Variants in ZNF804A observed in about 807,000 individuals in gnomAD.
ZNF804A encodes zinc finger protein 804A.
Under a neutral mutation model 16.5 loss-of-function variants are expected in ZNF804A, and 2 were observed. The ratio of observed to expected loss-of-function variants is 0.12; its 90% CI spans 0.05 to 0.38. ZNF804A has a LOEUF of 0.38. Ranked by LOEUF, ZNF804A falls within the 10% of genes least tolerant of loss-of-function variation. The probability of loss-of-function intolerance (pLI) is 0.99; values close to 1 mark genes in which losing one functional copy is unlikely to be tolerated. For missense variants in ZNF804A, 1,473 were observed against 1,390.7 expected (o/e 1.06, Z -0.94); for synonymous variants, 534 against 489.6 (o/e 1.09, Z -1.20).
chr2:184,681,560 C>G (rs1044071279), intron 1 of ZNF804A, among the ~76,000 whole-genome samples: 6 of 152,202 alleles, frequency 3.9e-5, no homozygotes, highest in African/African-American at 1.4e-4. Flanking sequence ...GCCAGGAATT[C>G]TGAACAATGT....
intron 1 of ZNF804A, among the ~76,000 whole-genome samples, chr2:184,809,993 G>A (rs1285708267): frequency 6.6e-6 from 1 of 152,090 alleles, no homozygotes; most frequent in East Asian, 1.9e-4. Flanking sequence ...TTCAATAAAT[G>A]TTTGACTTGA....
intron 1 of ZNF804A, among the ~76,000 whole-genome samples, chr2:184,663,603 T>C (rs1215246547): frequency 6.6e-6 from 1 of 152,128 alleles, no homozygotes; most frequent in Non-Finnish European, 1.5e-5. Flanking sequence ...AAGCCAGGGA[T>C]GGCCGGAAGC....
At chr2:184,645,378 A>C (rs1691854479) in intron 1 of ZNF804A, among the ~76,000 whole-genome samples, 1 of 152,134 alleles carries the variant, frequency 6.6e-6, no homozygotes, top group African/African-American at 2.4e-5. Context: ...AAAAGGGCAA[A>C]AGGTTTTCTC....
intron 1 of ZNF804A, among the ~76,000 whole-genome samples, chr2:184,771,263 G>T (rs1447891078): frequency 6.6e-6 from 1 of 151,988 alleles, no homozygotes; most frequent in Non-Finnish European, 1.5e-5. Context: ...AGGTTGTAGT[G>T]CTTGAGAGGA....
rs1692572540 is a variant in ZNF804A at position 184,683,311 on chromosome 2, A to C, written c.111+84241A>C. Among the ~76,000 whole-genome samples, 3 of 152,296 alleles carry C rather than the reference A, an allele frequency of 2.0e-5. No homozygotes were observed. The Middle Eastern group carries it at 0.01, about 518-fold the overall frequency. On this transcript the variant is annotated intron_variant, in intron 1 of 3. Coordinates refer to ENST00000302277, the MANE Select transcript of ZNF804A (RefSeq NM_194250.2). ...ATACACTTTTTTTTCTGTAGGTTTCAAGTATGTCAAAATAAACCTCTTTCG... is the reference window on the plus strand; with the variant it reads ...ATACACTTTTTTTTCTGTAGGTTTCCAGTATGTCAAAATAAACCTCTTTCG...
chr2:184,641,510 A>G (rs962124828), intron 1 of ZNF804A, among the ~76,000 whole-genome samples: 2 of 152,164 alleles, frequency 1.3e-5, no homozygotes, highest in Admixed American at 6.5e-5. Flanking sequence ...CAAATTTGTC[A>G]ACTCAAAAAT....
intron 1 of ZNF804A, among the ~76,000 whole-genome samples, chr2:184,673,598 G>A (rs142410468): frequency 9.8e-4 from 149 of 152,282 alleles, no homozygotes; most frequent in African/African-American, 3.4e-3. Flanking sequence ...GATTTATTTT[G>A]TGCATAGAAC....
chr2:184,682,220 G>T (rs1483576752), intron 1 of ZNF804A, among the ~76,000 whole-genome samples: 1 of 152,214 alleles, frequency 6.6e-6, no homozygotes, highest in African/African-American at 2.4e-5. Flanking sequence ...AAAGTGGGCA[G>T]AACAAGCCCG....
At chr2:184,700,365 A>C (rs1446094361) in intron 1 of ZNF804A, among the ~76,000 whole-genome samples, 2 of 152,064 alleles carry the variant, frequency 1.3e-5, no homozygotes, top group Non-Finnish European at 2.9e-5. Context: ...TTGTGTAAAA[A>C]CTGGTTTTAA....
chr2:184,724,267 T>C (rs1329304428), intron 1 of ZNF804A, among the ~76,000 whole-genome samples: 1 of 151,736 alleles, frequency 6.6e-6, no homozygotes, highest in Non-Finnish European at 1.5e-5. Flanking sequence ...TATTACTTTA[T>C]GTAAGTAAAT....
Position 184,938,741 on chromosome 2 carries a change from A to AG in ZNF804A, c.3346dup (p.Ala1116GlyfsTer8). The stretch of plus-strand genomic sequence containing the variant: ...CTGCAGCTGCTGCAGCTGCAGCTGC[A>AG]GCCGCAGCTGCAGGAACCTTTAAAG... On this transcript the variant is annotated frameshift_variant, in exon 4 of 4. Coordinates refer to ENST00000302277, the MANE Select transcript of ZNF804A (RefSeq NM_194250.2). LOFTEE classifies it low-confidence loss of function (END_TRUNC). 6.2e-7 allele frequency: 1 copy of AG among 1,608,136 alleles called. No individual in the cohort carries two copies. The highest frequency in any genetic ancestry group is 1.7e-5 in the Admixed American group (1 of 59,634).
At chr2:184,685,008 C>T (rs1342920372) in intron 1 of ZNF804A, among the ~76,000 whole-genome samples, 1 of 152,130 alleles carries the variant, frequency 6.6e-6, no homozygotes, top group Non-Finnish European at 1.5e-5. Flanking sequence ...TTCAGCCCAC[C>T]AGGCTCCTCT....
intron 2 of ZNF804A, among the ~76,000 whole-genome samples, chr2:184,879,533 G>A (rs1359536886): frequency 1.3e-5 from 2 of 151,880 alleles, no homozygotes; most frequent in Non-Finnish European, 1.5e-5. Flanking sequence ...TACAGAAAAA[G>A]TCTTCAGCAA....
intron 2 of ZNF804A, among the ~76,000 whole-genome samples, chr2:184,929,093 G>T (rs1294415037): frequency 2.0e-5 from 3 of 152,082 alleles, no homozygotes; most frequent in Admixed American, 6.6e-5. Flanking sequence ...ATGATTAGTG[G>T]AGCCTTCTAT....
At chr2:184,811,202 G>A (rs1055403924) in intron 1 of ZNF804A, among the ~76,000 whole-genome samples, 1 of 152,086 alleles carries the variant, frequency 6.6e-6, no homozygotes, top group African/African-American at 2.4e-5. Context: ...AAGCCCATCA[G>A]GTATATAGCA....
At chr2:184,848,667 T>C (rs1447929077) in intron 1 of ZNF804A, among the ~76,000 whole-genome samples, 2 of 152,120 alleles carry the variant, frequency 1.3e-5, no homozygotes, top group East Asian at 1.9e-4. Context: ...TCAGAAACTT[T>C]AAGACAATCA....
Position 184,933,693 on chromosome 2 carries a change from CG to C in ZNF804A, c.347del (p.Arg116ProfsTer8). On this transcript the variant is annotated frameshift_variant, in exon 3 of 4. Transcript: ENST00000302277. LOFTEE classifies it low-confidence loss of function (END_TRUNC). ...AAGAAAACAGGAAAAGGCACTCCAA[CG>C]CCTGCACAAGCTGGCTGAGCTAAGA... The part of the protein sequence containing the change: ...DERKQEKALQ[R>X]LHKLAELRKE... The C allele has an allele frequency of 1.2e-6, 2 of 1,608,758 alleles. No individual in the cohort carries two copies. Among genetic ancestry groups the C allele is most frequent in the Non-Finnish European group, 1.7e-6 (2 of 1,178,262 alleles).
chr2:184,895,420 C>T (rs1317176189), intron 2 of ZNF804A, among the ~76,000 whole-genome samples: 2 of 152,128 alleles, frequency 1.3e-5, no homozygotes, highest in Non-Finnish European at 2.9e-5. Context: ...AGCTCATGCT[C>T]TCTGATATGC....
At chr2:184,823,769 C>A (rs1014495144) in intron 1 of ZNF804A, among the ~76,000 whole-genome samples, 1 of 151,850 alleles carries the variant, frequency 6.6e-6, no homozygotes, top group African/African-American at 2.4e-5. Flanking sequence ...AACCAAAAAC[C>A]CTTTATATAA....
Sources: allele counts gnomAD v4.1 joint callset (sites outside exome capture counted in the v4.1 genomes callset), GRCh38; gene constraint gnomAD v4.1.1; transcripts MANE v1.5; gene names NCBI Gene and HGNC (gene_info 2026-07-23, HGNC 2026-07-21).